GPR33: variants seen among roughly 807,000 people sequenced by gnomAD.
The protein encoded by GPR33 is G protein-coupled receptor 33.
Under a neutral mutation model 3.1 loss-of-function variants are expected in GPR33, and 4 were observed. The observed-to-expected ratio is 1.29, with a 90% CI of 0.64 to 2.96. GPR33 has a LOEUF of 2.96. Among genes scored for constraint, GPR33 ranks in the 30% most tolerant of loss-of-function variants. GPR33 has a pLI of 0.01. For missense variants in GPR33, 390 were observed against 388.9 expected (o/e 1.00, Z -0.02); for synonymous variants, 138 against 142.0 (o/e 0.97, Z 0.20).
chr14:31,483,463 T>A lies in GPR33; in HGVS notation c.503A>T (p.Glu168Val). Residue 168 changes from glutamate to valine, a missense_variant, in exon 2 of 2, where the codon GAG becomes GTG. Glu to Val is a moderately radical substitution (Grantham distance 121, BLOSUM62 -2). Transcript: ENST00000399285. The part of the protein sequence containing the change: ...ALSIPYLIFR[E>V]THHDRKGKVT... ...CTTTCCTTTACGGTCATGATGTGTC[T>A]CTCTGAAAATCAAATAGGGGATGCT... is the stretch of plus-strand genomic sequence containing the variant. 1 of 1,536,126 alleles carries A rather than the reference T, an allele frequency of 6.5e-7. No individual in the cohort carries two copies. Among genetic ancestry groups the A allele is most frequent in the Non-Finnish European group, 8.7e-7 (1 of 1,146,920 alleles).
Position 31,483,735 on chromosome 14 carries a change from T to G in GPR33, c.231A>C (p.Ser77=). The G allele has an allele frequency of 6.5e-7, 1 of 1,536,096 alleles. No individual in the cohort carries two copies. The highest frequency in any genetic ancestry group is 8.7e-7 in the Non-Finnish European group (1 of 1,146,912). ...FFHLILSYFI[S]TMILPFMATS... is the part of the protein sequence containing the mutation. ...TGGCCATAAATGGCAGAATCATTGT[T>G]GAAATAAAATAAGAGAGAATGAGAT... Residue 77 remains serine (S), a synonymous_variant, in exon 2 of 2, where the codon TCA becomes TCC. Coordinates refer to ENST00000399285, the MANE Select transcript of GPR33 (RefSeq NM_001197184.3).
In GPR33 at chr14:31,487,888, G is replaced by A. The variant is rs2032437132; in HGVS notation, c.-7+9C>T. 6.6e-6 allele frequency: 1 copy of A among 152,160 alleles called. No homozygotes were observed. The highest frequency in any genetic ancestry group is 1.5e-5 in the Non-Finnish European group (1 of 68,056). 9.4% of individuals were successfully genotyped at this position (152,160 alleles called of 1,614,324 possible). On this transcript the variant is annotated intron_variant, in intron 1 of 1. Coordinates refer to ENST00000399285, the MANE Select transcript of GPR33 (RefSeq NM_001197184.3). ...TCTAGGATAAACCTACTAGTCCAGA[G>A]AATCTTACCTCAGACCTGTATCTTC...
At position 31,483,820 on chromosome 14, in the gene GPR33, A is replaced by G; in HGVS notation, c.146T>C (p.Leu49Pro). The G allele has an allele frequency of 6.5e-7, 1 of 1,536,120 alleles. No homozygotes were observed. Among genetic ancestry groups the G allele is most frequent in the Non-Finnish European group, 8.7e-7 (1 of 1,146,864 alleles). Residue 49 changes from leucine (L) to proline (P), a missense_variant, in exon 2 of 2, where the codon CTC (leucine) becomes CCC (proline). Leu to Pro is a moderately conservative substitution (Grantham distance 98). Coordinates refer to ENST00000399285, the MANE Select transcript of GPR33 (RefSeq NM_001197184.3). ...CTTGAATCTTAGCACCCATAGATAGAGGCCATTGGTGATGGTACCAATTAT... is the reference window on the plus strand; with the variant it reads ...CTTGAATCTTAGCACCCATAGATAGGGGCCATTGGTGATGGTACCAATTAT... ...SSIIGTITNG[L>P]YLWVLRFKMK...
At chr14:31,487,431 A>ATTTTTT in intron 1 of GPR33, among the ~76,000 whole-genome samples, 1 of 56,036 alleles carries the variant, frequency 1.8e-5, no homozygotes, top group Admixed American at 1.7e-4. Context: ...TAAGCCCCTC[A>ATTTTTT]GTTTTTTTTT....
rs904993075 is a variant in GPR33 at position 31,483,020 on chromosome 14, C to T, written c.946G>A (p.Ala316Thr). Residue 316 changes from alanine to threonine, a missense_variant, in exon 2 of 2, where the codon GCT becomes ACT. Transcript: ENST00000399285. Reference protein sequence around the residue: ...FKKVFKKSILALFESTFSEDS... With the variant: ...FKKVFKKSILTLFESTFSEDS... ...TCACTAAATGTTGACTCAAACAGAG[C>T]AAGAATGGACTTCTTGAAGACCTTT... 25 of 1,535,400 alleles carry T rather than the reference C, an allele frequency of 1.6e-5. No homozygotes were observed. Among genetic ancestry groups the T allele is most frequent in the Non-Finnish European group, 2.1e-5 (24 of 1,146,704 alleles).
Position 31,483,648 on chromosome 14 carries a change from GC to G in GPR33, c.317del (p.Gly106AlafsTer59). ...AGGTGAACATCCCCAGAGACAAAGT[GC>G]CATTGAAGACCTTGCACAAGGCAGT... The part of the protein sequence containing the change: ...FGTALCKVFN[G>X]TLSLGMFTSV... On this transcript the variant is annotated frameshift_variant, in exon 2 of 2. Transcript: ENST00000399285. LOFTEE classifies it low-confidence loss of function (END_TRUNC). 3 of 1,536,162 alleles carry G rather than the reference GC, an allele frequency of 2.0e-6. No homozygotes were observed. The highest frequency in any genetic ancestry group is 1.4e-5 in the African/African-American group (1 of 73,168).
In GPR33 at chr14:31,483,804, T is replaced by C. The variant is rs913607986; in HGVS notation, c.162A>G (p.Leu54=). The C allele has an allele frequency of 9.1e-6, 14 of 1,536,000 alleles. No individual in the cohort carries two copies. The highest frequency in any genetic ancestry group is 1.4e-5 in the African/African-American group (1 of 73,042). Residue 54 remains leucine (L), a synonymous_variant, in exon 2 of 2, where the codon CTA becomes CTG. Coordinates refer to ENST00000399285, the MANE Select transcript of GPR33 (RefSeq NM_001197184.3). The part of the protein sequence containing the change: ...TITNGLYLWV[L]RFKMKQTVNT... ...TGACAGTCTGTTTCATCTTGAATCT[T>C]AGCACCCATAGATAGAGGCCATTGG... is the stretch of plus-strand genomic sequence containing the variant.
rs1430235198 is a variant in GPR33, at chr14:31,487,445, T to TG, written c.-7+451_-7+452insC. On this transcript the variant is annotated intron_variant, in intron 1 of 1. Coordinates refer to ENST00000399285, the MANE Select transcript of GPR33 (RefSeq NM_001197184.3). ...CTAAGCCCCTCAGTTTTTTTTTTTT[T>TG]TTTTTTTTTTTTCAGATGGAGTCTT... 7.4e-5 allele frequency among the ~76,000 whole-genome samples: 10 copies of TG among 135,982 alleles called. 1 individual carries two copies. The highest frequency in any genetic ancestry group is 6.2e-4 in the East Asian group (3 of 4,860). The allele number at this position is 135,982 out of a possible 152,430, so 89.2% of individuals were successfully genotyped here.
chr14:31,485,766 G>A (rs2032413255), intron 1 of GPR33, among the ~76,000 whole-genome samples: 1 of 151,934 alleles, frequency 6.6e-6, no homozygotes, highest in Non-Finnish European at 1.5e-5. Flanking sequence ...TGCCTCCATT[G>A]TACCAGGTGG....
chr14:31,483,555 C>T lies in GPR33; in HGVS notation c.411G>A (p.Gln137=). Residue 137 remains glutamine, a synonymous_variant, in exon 2 of 2, where the codon CAG becomes CAA. Transcript: ENST00000399285. ...YLLTLHPVWS[Q]QHRTPRWASS... ...AAGCCCAGCGCGGGGTTCGGTGCTG[C>T]TGGGACCACACTGGGTGAAGAGTGA... 6.5e-7 allele frequency: 1 copy of T among 1,536,166 alleles called. No individual in the cohort carries two copies. Among genetic ancestry groups the T allele is most frequent in the Non-Finnish European group, 8.7e-7 (1 of 1,146,914 alleles).
chr14:31,483,732 TG>T lies in GPR33; in HGVS notation c.233del (p.Thr78LysfsTer2). 6.5e-7 allele frequency: 1 copy of T among 1,535,758 alleles called. No individual in the cohort carries two copies. Among genetic ancestry groups the T allele is most frequent in the African/African-American group, 1.4e-5 (1 of 73,144 alleles). ...FHLILSYFIS[T>X]MILPFMATSQ... is the part of the protein sequence containing the mutation. ...AGGTGGCCATAAATGGCAGAATCAT[TG>T]TTGAAATAAAATAAGAGAGAATGAG... On this transcript the variant is annotated frameshift_variant, in exon 2 of 2. Coordinates refer to ENST00000399285, the MANE Select transcript of GPR33 (RefSeq NM_001197184.3). LOFTEE classifies it low-confidence loss of function (END_TRUNC).
Position 31,483,183 on chromosome 14 carries a change from G to C in GPR33, c.783C>G (p.Tyr261Ter). Reference sequence around the variant, plus strand: ...TGAGAAGTAAGCCCTGGTGTATATGGTAGGGCATCCAACACACAAAGAAAG... The same window carrying C: ...TGAGAAGTAAGCCCTGGTGTATATGCTAGGGCATCCAACACACAAAGAAAG... Reference protein sequence around the residue: ...IISFFVCWMPYHIHQGLLLTT... With the variant: ...IISFFVCWMP Residue 261 changes from tyrosine (Y) to a stop codon, truncating the protein, a stop_gained, in exon 2 of 2, where the codon TAC becomes TAG. Coordinates refer to ENST00000399285, the MANE Select transcript of GPR33 (RefSeq NM_001197184.3). LOFTEE classifies it high-confidence loss of function. The C allele has an allele frequency of 1.3e-6, 2 of 1,536,086 alleles. No individual in the cohort carries two copies. Among genetic ancestry groups the C allele is most frequent in the African/African-American group, 1.4e-5 (1 of 73,162 alleles).
At chr14:31,487,013 AGTGTTTGT>A (rs1221788616) in intron 1 of GPR33, among the ~76,000 whole-genome samples, 2 of 151,398 alleles carry the variant, frequency 1.3e-5, no homozygotes, top group Non-Finnish European at 2.9e-5. Flanking sequence ...GTGTATGTGT[AGTGTTTGT>A]GTGTTTGTGT....
chr14:31,483,920 A>G lies in GPR33; in HGVS notation c.46T>C (p.Leu16=). 6.5e-7 allele frequency: 1 copy of G among 1,535,800 alleles called. No homozygotes were observed. Among genetic ancestry groups the G allele is most frequent in the South Asian group, 1.2e-5 (1 of 84,056 alleles). Reference sequence around the variant, plus strand: ...AGAAACTGAGTGCTGTTTCTTACTAAAGTAGAGGCATTGATCAGGTAATCA... The same window carrying G: ...AGAAACTGAGTGCTGTTTCTTACTAGAGTAGAGGCATTGATCAGGTAATCA... ...STDYLINAST[L]VRNSTQFLAP... is the part of the protein sequence containing the mutation. Residue 16 remains leucine (L), a synonymous_variant, in exon 2 of 2, where the codon TTA becomes CTA. Transcript: ENST00000399285.
At position 31,483,936 on chromosome 14, in the gene GPR33, C is replaced by T; in HGVS notation, c.30G>A (p.Leu10=). 2 of 1,535,246 alleles carry T rather than the reference C, an allele frequency of 1.3e-6. No homozygotes were observed. Among genetic ancestry groups the T allele is most frequent in the South Asian group, 2.4e-5 (2 of 83,962 alleles). Residue 10 remains leucine, a synonymous_variant, in exon 2 of 2, where the codon CTG becomes CTA. Coordinates refer to ENST00000399285, the MANE Select transcript of GPR33 (RefSeq NM_001197184.3). ...TTCTTACTAAAGTAGAGGCATTGAT[C>T]AGGTAATCAGTAGAGTTGATCAGAT... MDLINSTDY[L]INASTLVRNS...
rs138792068 is a variant in GPR33 at position 31,483,026 on chromosome 14, T to C, written c.940A>G (p.Ile314Val). ...ENFKKVFKKS[I>V]LALFESTFSE... ...AATGTTGACTCAAACAGAGCAAGAA[T>C]GGACTTCTTGAAGACCTTTTTGAAA... The change falls in exon 2 of 2, where the codon ATT becomes GTT. Residue 314 changes from isoleucine (I) to valine (V), a missense_variant. Ile to Val is a conservative substitution (Grantham distance 29). Transcript: ENST00000399285. 2.0e-6 allele frequency: 3 copies of C among 1,535,766 alleles called. No individual in the cohort carries two copies. In the African/African-American group the frequency reaches 4.1e-5, roughly 21 times the overall value.
intron 1 of GPR33, among the ~76,000 whole-genome samples, chr14:31,486,374 G>C (rs937008471): frequency 6.6e-6 from 1 of 152,184 alleles, no homozygotes; most frequent in African/African-American, 2.4e-5. Context: ...GCTAGGATTA[G>C]AGGCATGAGC....
chr14:31,485,924 A>G (rs1320551983), intron 1 of GPR33, among the ~76,000 whole-genome samples: 1 of 152,218 alleles, frequency 6.6e-6, no homozygotes, highest in Non-Finnish European at 1.5e-5. Context: ...ATGGTATCAA[A>G]AATATAAACC....
Position 31,482,877 on chromosome 14 carries a change from A to G in GPR33, c.*87T>C, listed in dbSNP as rs2032374866. 1.7e-6 allele frequency: 2 copies of G among 1,148,674 alleles called. No individual in the cohort carries two copies. The highest frequency in any genetic ancestry group is 3.1e-5 in the African/African-American group (2 of 63,836). 71.2% of individuals were successfully genotyped at this position (1,148,674 alleles called of 1,614,324 possible). On this transcript the variant is annotated 3_prime_UTR_variant, in exon 2 of 2. Transcript: ENST00000399285. ...CTCTCTAATATAGGGACTATAGCAT[A>G]CAAAAGCAGAAGGTATATCCTATTG...
Sources: gnomAD v4.1 joint callset for allele counts (sites outside exome capture counted in the v4.1 genomes callset) on GRCh38, gnomAD v4.1.1 for gene constraint, MANE v1.5 for transcripts, NCBI Gene and HGNC (gene_info 2026-07-23, HGNC 2026-07-21) for gene names.